The following GALNTL5 variants were observed in gnomAD, a reference collection of about 807,000 sequenced individuals.
GALNTL5 encodes the protein inactive polypeptide N-acetylgalactosaminyltransferase-like protein 5.
Under a neutral mutation model 51.0 loss-of-function variants are expected in GALNTL5, and 44 were observed. The observed-to-expected ratio is 0.86, with a 90% confidence interval of 0.68 to 1.11. The LOEUF (loss-of-function observed/expected upper bound fraction) is 1.11. GALNTL5 is among the 50% of genes least tolerant of loss of function. GALNTL5 has a pLI of 0.00. For missense variants in GALNTL5, 528 were observed against 531.8 expected, an observed-to-expected ratio of 0.99 and a Z score of 0.07; for synonymous variants, 192 against 182.8, an observed-to-expected ratio of 1.05 and a Z score of -0.41.
chr7:151,986,727 CTTT>C (rs5888461), intron 4 of GALNTL5, among the ~76,000 whole-genome samples: 361 of 134,724 alleles, frequency 2.7e-3, no homozygotes, highest in Non-Finnish European at 2.5e-3. Context: ...AAAATTCTAT[CTTT>C]TTTTTTTTTT....
At chr7:151,983,821 G>C (rs1586826110) in intron 4 of GALNTL5, among the ~76,000 whole-genome samples, 1 of 152,210 alleles carries the variant, frequency 6.6e-6, no homozygotes, top group Non-Finnish European at 1.5e-5. Context: ...AGAGGTAAGA[G>C]AAGCCATAGA....
Position 151,987,202 on chromosome 7 carries a change from G to T in GALNTL5, c.579G>T (p.Arg193=). 1 of 1,597,282 alleles carries T rather than the reference G, an allele frequency of 6.3e-7. No homozygotes were observed. ...TAGACTATCACCTGGAAACTTTTCG[G>T]GGAAAGGTTAAAATAATAAGAAACA... is the stretch of plus-strand genomic sequence containing the variant. ...EKLDYHLETF[R]GKVKIIRNKK... The change falls in exon 5 of 9, where the codon CGG becomes CGT. Residue 193 remains arginine, a synonymous_variant. Coordinates refer to ENST00000392800, the MANE Select transcript of GALNTL5 (RefSeq NM_145292.4).
At chr7:151,983,424 C>T (rs1238466747) in intron 4 of GALNTL5, among the ~76,000 whole-genome samples, 4 of 152,124 alleles carry the variant, frequency 2.6e-5, no homozygotes, top group East Asian at 1.9e-4. Flanking sequence ...GTGATCTGTC[C>T]GCCTCAGCCT....
Position 151,970,796 on chromosome 7 carries a change from A to G in GALNTL5, c.248-149A>G, listed in dbSNP as rs893612219. On this transcript the variant is annotated intron_variant, in intron 2 of 8. Coordinates refer to ENST00000392800, the MANE Select transcript of GALNTL5 (RefSeq NM_145292.4). ...TGTACTAAAACACCCACCTTTGCCA[A>G]GAATTATTTGACCATTTTTGCACAG... The G allele has an allele frequency of 5.4e-6, 3 of 558,868 alleles. No homozygotes were observed. In the African/African-American group the frequency reaches 5.9e-5, roughly 11 times the overall value. 34.6% of individuals were successfully genotyped at this position (558,868 alleles called of 1,614,324 possible).
rs1409416358 is a variant in GALNTL5, at chr7:151,968,061, C to T, written c.247+568C>T. On this transcript the variant is annotated intron_variant, in intron 2 of 8. Coordinates refer to ENST00000392800, the MANE Select transcript of GALNTL5 (RefSeq NM_145292.4). ...ATGTAATCTCGACCCTTTGGGAGGC[C>T]AAGGCAGGAGGATCACTTGAGGCCA... Among the ~76,000 whole-genome samples the T allele has an allele frequency of 2.0e-5, 3 of 152,074 alleles. 1 individual carries two copies. The highest frequency in any genetic ancestry group is 6.6e-5 in the Admixed American group (1 of 15,266).
chr7:152,007,620 G>A (rs2081664728), intron 6 of GALNTL5, among the ~76,000 whole-genome samples: 2 of 151,764 alleles, frequency 1.3e-5, no homozygotes, highest in Admixed American at 1.3e-4. Context: ...GGGTTTCACT[G>A]TGTTAGCCAG....
At chr7:151,994,243 C>T (rs1329286381) in intron 5 of GALNTL5, among the ~76,000 whole-genome samples, 1 of 152,202 alleles carries the variant, frequency 6.6e-6, no homozygotes, top group South Asian at 2.1e-4. Context: ...CAGCAGCCAG[C>T]GGCCCTTCCT....
At position 151,987,029 on chromosome 7, in the gene GALNTL5, A is replaced by C. The variant is rs1045389402; in HGVS notation, c.536-130A>C. On this transcript the variant is annotated intron_variant, in intron 4 of 8. Coordinates refer to ENST00000392800, the MANE Select transcript of GALNTL5 (RefSeq NM_145292.4). Reference sequence around the variant, plus strand: ...GGCATGAGACACCACACCTGGCCCCAAAATTCTCTTTTAAAGTTAGAACTT... The same window carrying C: ...GGCATGAGACACCACACCTGGCCCCCAAATTCTCTTTTAAAGTTAGAACTT... The C allele has an allele frequency of 3.6e-5, 28 of 785,052 alleles. No individual in the cohort carries two copies. The South Asian group carries it at 4.4e-4, about 12-fold the overall frequency. The allele number at this position is 785,052 out of a possible 1,614,324, so 48.6% of individuals were successfully genotyped here.
At chr7:151,983,431 G>C (rs1175642637) in intron 4 of GALNTL5, among the ~76,000 whole-genome samples, 1 of 152,198 alleles carries the variant, frequency 6.6e-6, no homozygotes, top group African/African-American at 2.4e-5. Context: ...GTCCGCCTCA[G>C]CCTCCCAAAG....
chr7:151,972,047 C>A (rs1441150479), intron 3 of GALNTL5, among the ~76,000 whole-genome samples: 2 of 152,016 alleles, frequency 1.3e-5, no homozygotes, highest in Admixed American at 1.3e-4. Context: ...TATAAAGATA[C>A]CTAAAAATGT....
intron 8 of GALNTL5, among the ~76,000 whole-genome samples, chr7:152,019,423 C>G (rs560157075): frequency 6.6e-6 from 1 of 152,170 alleles, no homozygotes; most frequent in African/African-American, 2.4e-5. Context: ...TCCTGGATCC[C>G]GCTAGGGTGC....
At chr7:151,963,122 G>T (rs1422557256) in intron 1 of GALNTL5, among the ~76,000 whole-genome samples, 1 of 152,166 alleles carries the variant, frequency 6.6e-6, no homozygotes, top group Non-Finnish European at 1.5e-5. Flanking sequence ...CAGTGTTGCT[G>T]TTGAGAAGTT....
chr7:152,007,714 G>A lies in GALNTL5; in HGVS notation c.909-113G>A, dbSNP rs568145319. ...ATTACAGGCATGAGCCTCCACACCCGGCCTGTTTTCTCATTTTAAACTATA... is the reference window on the plus strand; with the variant it reads ...ATTACAGGCATGAGCCTCCACACCCAGCCTGTTTTCTCATTTTAAACTATA... On this transcript the variant is annotated intron_variant, in intron 6 of 8. Transcript: ENST00000392800. 7.0e-4 allele frequency: 508 copies of A among 730,612 alleles called. 1 individual carries two copies. Among genetic ancestry groups the A allele is most frequent in the Non-Finnish European group, 1.1e-3 (445 of 416,092 alleles). 45.3% of individuals were successfully genotyped at this position (730,612 alleles called of 1,614,324 possible).
chr7:151,996,667 C>T (rs545948670), intron 5 of GALNTL5, among the ~76,000 whole-genome samples: 4 of 152,096 alleles, frequency 2.6e-5, no homozygotes, highest in South Asian at 2.1e-4. Context: ...GAGGATCGCT[C>T]GAGCCCAGGA....
chr7:151,970,681 C>G (rs142729271), intron 2 of GALNTL5: 9 of 244,242 alleles, frequency 3.7e-5, no homozygotes, highest in Admixed American at 1.1e-4. Context: ...CAGATGCTGG[C>G]TCAATGCTTC....
At chr7:151,980,028 G>A (rs568598752) in intron 3 of GALNTL5, among the ~76,000 whole-genome samples, 46 of 152,072 alleles carry the variant, frequency 3.0e-4, no homozygotes, top group Non-Finnish European at 4.4e-4. Flanking sequence ...CGTTAATTCA[G>A]TCTAGTATCA....
At chr7:152,018,565 G>A (rs933035189) in intron 8 of GALNTL5, among the ~76,000 whole-genome samples, 2 of 152,080 alleles carry the variant, frequency 1.3e-5, no homozygotes. Context: ...TAACTTAAAG[G>A]GATATGACGT....
chr7:151,979,545 C>T (rs988353663), intron 3 of GALNTL5, among the ~76,000 whole-genome samples: 1 of 151,678 alleles, frequency 6.6e-6, no homozygotes, highest in African/African-American at 2.4e-5. Flanking sequence ...CTGCAACCTC[C>T]ACCTCCCGGG....
At chr7:152,003,599 T>G (rs2081609110) in intron 6 of GALNTL5, among the ~76,000 whole-genome samples, 1 of 152,192 alleles carries the variant, frequency 6.6e-6, no homozygotes. Context: ...CTGATCAATA[T>G]CAACATTAGC....
Sources: gnomAD v4.1 joint callset for allele counts (sites outside exome capture counted in the v4.1 genomes callset) on GRCh38, gnomAD v4.1.1 for gene constraint, MANE v1.5 for transcripts, NCBI Gene and HGNC (gene_info 2026-07-23, HGNC 2026-07-21) for gene names.